PKM: variants seen among roughly 807,000 people sequenced by gnomAD.
PKM encodes the protein pyruvate kinase M1/2, also known as pyruvate kinase PKM.
Under a neutral mutation model 49.8 loss-of-function variants are expected in PKM, and 18 were observed. The observed-to-expected ratio is 0.36, with a 90% CI of 0.25 to 0.54. The LOEUF (loss-of-function observed/expected upper bound fraction) is 0.54. Among genes scored for constraint, PKM ranks in the 20% least tolerant of loss-of-function variants. The probability of loss-of-function intolerance (pLI) is 0.89; values close to 1 mark genes in which losing one functional copy is unlikely to be tolerated. For missense variants in PKM, 508 were observed against 713.8 expected (o/e 0.71, Z 3.28); for synonymous variants, 239 against 261.8 (o/e 0.91, Z 0.84).
At chr15:72,225,913 G>C (rs889391561) in intron 1 of PKM, among the ~76,000 whole-genome samples, 8 of 152,092 alleles carry the variant, frequency 5.3e-5, no homozygotes, top group Admixed American at 4.6e-4. Context: ...ACTAAATAAG[G>C]CTGAATTGCT....
rs569672196 is a variant in PKM, at chr15:72,221,034, A to T, written c.-13-1924T>A. 637 of 679,134 alleles carry T rather than the reference A, an allele frequency of 9.4e-4. 2 individuals carry two copies. Among genetic ancestry groups the T allele is most frequent in the Middle Eastern group, 1.5e-3 (4 of 2,614 alleles). 42.1% of individuals were successfully genotyped at this position (679,134 alleles called of 1,614,324 possible). A position where few individuals can be genotyped will look rare whatever the true frequency, so the allele number is the denominator to read the frequency against. The stretch of plus-strand genomic sequence containing the variant: ...ATCTAGGGACTGTATTGTGAACAAA[A>T]TAAGATCTGAATAAGTGGGTTGGAG... On this transcript the variant is annotated intron_variant, in intron 1 of 10. Transcript: ENST00000335181.
At chr15:72,199,855 G>A (rs2081895531) in intron 10 of PKM, 99 bp from the exon 11 acceptor site, 1 of 766,558 alleles carries the variant, frequency 1.3e-6, no homozygotes, top group Non-Finnish European at 2.3e-6. Flanking sequence ...TAGGCTGGCT[G>A]ACCACTACTT....
chr15:72,205,564 C>G (rs560279401), intron 8 of PKM, among the ~76,000 whole-genome samples: 23 of 151,202 alleles, frequency 1.5e-4, no homozygotes, highest in African/African-American at 5.6e-4. Context: ...TGTTTAAGCC[C>G]AGTAACAGGA....
chr15:72,205,079 G>A (rs1258871373), intron 8 of PKM, among the ~76,000 whole-genome samples: 4 of 152,088 alleles, frequency 2.6e-5, no homozygotes, highest in African/African-American at 7.2e-5. Context: ...GTGGGCCTGG[G>A]AGAGAAATCA....
intron 1 of PKM, 147 bp from the exon 2 acceptor site, chr15:72,219,257 A>G: frequency 1.5e-6 from 1 of 682,090 alleles, no homozygotes; most frequent in Non-Finnish European, 2.5e-6. Context: ...TGATCTGGTT[A>G]TGTGGGTGCT....
At chr15:72,228,020 T>G (rs188336604) in intron 1 of PKM, among the ~76,000 whole-genome samples, 1 of 152,268 alleles carries the variant, frequency 6.6e-6, no homozygotes, top group East Asian at 1.9e-4. Context: ...GCCACCAAAT[T>G]TGCTAAGTCA....
Position 72,220,190 on chromosome 15 carries a change from T to C in PKM, c.-13-1080A>G, listed in dbSNP as rs537969689. Among the ~76,000 whole-genome samples, 16 of 152,320 alleles carry C rather than the reference T, an allele frequency of 1.1e-4. No homozygotes were observed. In the East Asian group the frequency reaches 3.1e-3, roughly 29 times the overall value. On this transcript the variant is annotated intron_variant, in intron 1 of 10. Coordinates refer to ENST00000335181, the MANE Select transcript of PKM (RefSeq NM_002654.6). ...TGCTACACGTCTCATCAGAAAGCTG[T>C]TTCCTTGAGTTCTCAGACCAAGGGC...
chr15:72,210,316 G>A, intron 4 of PKM, 31 bp downstream of exon 4: 1 of 1,610,316 alleles, frequency 6.2e-7, no homozygotes, highest in Non-Finnish European at 8.5e-7. Flanking sequence ...TGCCTACTGA[G>A]CCTTCCCCTC....
rs1351954042 is a variant in PKM at position 72,228,682 on chromosome 15, C to CCCCACAAGACAG, written c.-14+2422_-14+2433dup. On this transcript the variant is annotated intron_variant, in intron 1 of 10. Transcript: ENST00000335181. The stretch of plus-strand genomic sequence containing the variant: ...TTTGGTGATACGTTACATTTCCCTT[C>CCCCACAAGACAG]CCCACAAGACAGCCCACTCCTGCCC... 16 of 1,249,426 alleles carry CCCCACAAGACAG rather than the reference C, an allele frequency of 1.3e-5. No homozygotes were observed. The South Asian group carries it at 2.0e-4, about 16-fold the overall frequency. The allele number at this position is 1,249,426 out of a possible 1,614,324, so 77.4% of individuals were successfully genotyped here. A position where few individuals can be genotyped will look rare whatever the true frequency, so the allele number is the denominator to read the frequency against.
Position 72,199,762 on chromosome 15 carries a change from G to C in PKM, c.1490-6C>G. On this transcript the variant is annotated splice_region_variant and splice_polypyrimidine_tract_variant and intron_variant, in intron 10 of 10. Transcript: ENST00000335181. Reference sequence around the variant, plus strand: ...GAAGAAGCCTCGGGCCTTGCCTGGAGGAAGAGAAGGGAGGTTGGTGAGTAA... The same window carrying C: ...GAAGAAGCCTCGGGCCTTGCCTGGACGAAGAGAAGGGAGGTTGGTGAGTAA... 1 of 1,601,668 alleles carries C rather than the reference G, an allele frequency of 6.2e-7. No homozygotes were observed. Among genetic ancestry groups the C allele is most frequent in the Non-Finnish European group, 8.6e-7 (1 of 1,169,490 alleles).
chr15:72,223,011 CT>C lies in PKM; in HGVS notation c.-13-3902del, dbSNP rs1157298455. On this transcript the variant is annotated intron_variant, in intron 1 of 10. Transcript: ENST00000335181. ...AAATACCCAACACTCCTCCCTCCAACTTTTTTTTTTTCTTTTTTTTTTTTTT... is the reference window on the plus strand; with the variant it reads ...AAATACCCAACACTCCTCCCTCCAACTTTTTTTTTTCTTTTTTTTTTTTTT... Among the ~76,000 whole-genome samples, 415 of 143,820 alleles carry C rather than the reference CT, an allele frequency of 2.9e-3. 2 individuals carry two copies. Among genetic ancestry groups the C allele is most frequent in the Admixed American group, 5.3e-3 (76 of 14,302 alleles). The allele number at this position is 143,820 out of a possible 152,430, so 94.4% of individuals were successfully genotyped here.
intron 1 of PKM, chr15:72,228,709 C>T: frequency 1.0e-6 from 1 of 997,190 alleles, no homozygotes; most frequent in Non-Finnish European, 1.4e-6. Flanking sequence ...CTCCTGCCCC[C>T]ACAGCACCTC....
rs886964499 is a variant in PKM at position 72,203,264 on chromosome 15, A to T, written c.1141-644T>A. 6 of 1,277,740 alleles carry T rather than the reference A, an allele frequency of 4.7e-6. No homozygotes were observed. The African/African-American group carries it at 8.8e-5, about 19-fold the overall frequency. 79.2% of individuals were successfully genotyped at this position (1,277,740 alleles called of 1,614,324 possible). On this transcript the variant is annotated intron_variant, in intron 8 of 10. Transcript: ENST00000335181. ...AAAACGAGACACAACACATGGGAAGACAGAATGGGGAATTTATCAGAGAGG... is the reference window on the plus strand; with the variant it reads ...AAAACGAGACACAACACATGGGAAGTCAGAATGGGGAATTTATCAGAGAGG...
chr15:72,203,218 G>A (rs2081989575), intron 8 of PKM: 1 of 1,605,624 alleles, frequency 6.2e-7, no homozygotes, highest in East Asian at 2.2e-5. Flanking sequence ...AGGGGGCAAG[G>A]AAGAGGGAAG....
Position 72,210,551 on chromosome 15 carries a change from C to G in PKM, c.247-73G>C, listed in dbSNP as rs2082226257. On this transcript the variant is annotated intron_variant, in intron 3 of 10. Coordinates refer to ENST00000335181, the MANE Select transcript of PKM (RefSeq NM_002654.6). ...CAGCTCCAATTCCCCTGCCCAGGAG[C>G]CAAAGCTGATCACTCAGGAAAGGCC... is the stretch of plus-strand genomic sequence containing the variant. 2.3e-5 allele frequency: 36 copies of G among 1,573,620 alleles called. No homozygotes were observed. In the South Asian group the frequency reaches 3.7e-4, roughly 16 times the overall value.
chr15:72,202,289 G>A lies in PKM; in HGVS notation c.1307+165C>T. 1.4e-6 allele frequency: 1 copy of A among 703,576 alleles called. No homozygotes were observed. The highest frequency in any genetic ancestry group is 2.7e-5 in the East Asian group (1 of 36,854). 43.6% of individuals were successfully genotyped at this position (703,576 alleles called of 1,614,324 possible). A position where few individuals can be genotyped will look rare whatever the true frequency, so the allele number is the denominator to read the frequency against. ...GCTACCTAGAGTCCTTTGGGCCCAG[G>A]GAAGGGGCTCTGCTCAATCCTTCCC... On this transcript the variant is annotated intron_variant, in intron 9 of 10. Coordinates refer to ENST00000335181, the MANE Select transcript of PKM (RefSeq NM_002654.6). The surrounding 1 kb of genome is among the most constrained non-coding windows in gnomAD (Gnocchi z 4.5).
At chr15:72,207,732 G>A (rs1297739176) in intron 6 of PKM, among the ~76,000 whole-genome samples, 1 of 152,226 alleles carries the variant, frequency 6.6e-6, no homozygotes, top group Non-Finnish European at 1.5e-5. Flanking sequence ...ACTCCAACCT[G>A]CTGAAGGCAA....
intron 3 of PKM, among the ~76,000 whole-genome samples, chr15:72,213,468 A>G (rs2082303857): frequency 6.6e-6 from 1 of 152,004 alleles, no homozygotes; most frequent in Non-Finnish European, 1.5e-5. Flanking sequence ...CACTTTTTCA[A>G]CTTTTTGGCT....
At chr15:72,222,264 A>T (rs2082546952) in intron 1 of PKM, among the ~76,000 whole-genome samples, 1 of 152,030 alleles carries the variant, frequency 6.6e-6, no homozygotes, top group African/African-American at 2.4e-5. Context: ...GTTCATCCAG[A>T]CTCCAGATCT....
Sources: allele counts gnomAD v4.1 joint callset (sites outside exome capture counted in the v4.1 genomes callset), GRCh38; gene constraint gnomAD v4.1.1; non-coding constraint Gnocchi (gnomAD v3.1); transcripts MANE v1.5; gene names NCBI Gene and HGNC (gene_info 2026-07-23, HGNC 2026-07-21).